Variants in CLASP2 observed in about 807,000 individuals in gnomAD.
The protein encoded by CLASP2 is CLIP-associating protein 2.
A neutral mutation model predicts 194.4 loss-of-function variants in CLASP2; 47 were observed. The observed-to-expected ratio is 0.24, with a 90% confidence interval of 0.19 to 0.31. The LOEUF (loss-of-function observed/expected upper bound fraction) is 0.31. Among genes scored for constraint, CLASP2 ranks in the 10% least tolerant of loss-of-function variants. The probability of loss-of-function intolerance (pLI) is 1.00; values close to 1 mark genes in which losing one functional copy is unlikely to be tolerated. For synonymous variants in CLASP2, 619 were observed against 633.5 expected, an observed-to-expected ratio of 0.98 and a Z score of 0.34; for missense variants, 1,445 against 1,823.6, an observed-to-expected ratio of 0.79 and a Z score of 3.78.
chr3:33,560,345 C>G (rs965762702), intron 28 of CLASP2, among the ~76,000 whole-genome samples: 5 of 151,728 alleles, frequency 3.3e-5, no homozygotes, highest in Non-Finnish European at 7.4e-5. Context: ...CAGGTTCAAG[C>G]GATTCTCCTT....
intron 33 of CLASP2, among the ~76,000 whole-genome samples, chr3:33,538,067 G>T (rs886518453): frequency 7.2e-5 from 11 of 151,774 alleles, no homozygotes; most frequent in East Asian, 1.9e-4. Flanking sequence ...CGTGAACCCG[G>T]AAGGCAGAGC....
chr3:33,596,716 A>G lies in CLASP2; in HGVS notation c.1943T>C (p.Leu648Pro). 6.4e-7 allele frequency: 1 copy of G among 1,568,402 alleles called. No homozygotes were observed. Among genetic ancestry groups the G allele is most frequent in the Non-Finnish European group, 8.7e-7 (1 of 1,154,678 alleles). Reference sequence around the variant, plus strand: ...TTAGGAAAGGAAGTTCTTACCATCCAGCTTGTCAGAAGTATCCTCTTTGAT... The same window carrying G: ...TTAGGAAAGGAAGTTCTTACCATCCGGCTTGTCAGAAGTATCCTCTTTGAT... ...YASLEDTSDK[L>P]DGTASEDGRV... Residue 648 changes from leucine (L) to proline (P), a missense_variant, in exon 19 of 39, where the codon CTG becomes CCG. Coordinates refer to ENST00000682230, the MANE Select transcript of CLASP2 (RefSeq NM_001365631.1).
intron 37 of CLASP2, chr3:33,504,288 C>T (rs1056069878): frequency 3.3e-5 from 5 of 152,126 alleles, no homozygotes; most frequent in South Asian, 2.1e-4. Flanking sequence ...AAAGATTTAT[C>T]GCTATGTTTT....
intron 6 of CLASP2, among the ~76,000 whole-genome samples, chr3:33,678,024 G>A (rs1256205173): frequency 6.7e-6 from 1 of 149,306 alleles, no homozygotes; most frequent in Non-Finnish European, 1.5e-5. Flanking sequence ...ATGTATCTCT[G>A]AGCTTGAGGA....
chr3:33,513,605 C>T (rs1421221158), intron 36 of CLASP2, among the ~76,000 whole-genome samples: 1 of 152,314 alleles, frequency 6.6e-6, no homozygotes, highest in South Asian at 2.1e-4. Flanking sequence ...CTAAAAGAGT[C>T]ACAGTGAAAT....
In CLASP2 at chr3:33,717,842, G is replaced by A; in HGVS notation, c.161C>T (p.Ala54Val). 1 of 1,564,524 alleles carries A rather than the reference G, an allele frequency of 6.4e-7. No homozygotes were observed. Residue 54 changes from alanine to valine, a missense_variant, in exon 1 of 39, where the codon GCG becomes GTG. Coordinates refer to ENST00000682230, the MANE Select transcript of CLASP2 (RefSeq NM_001365631.1). ...DLGRLGKTVD[A>V]LTGWVGSSNY... ...GCTCGAACCCACCCAGCCGGTGAGCGCGTCGACTGTCTTGCCTAGGCGGCC... is the reference window on the plus strand; with the variant it reads ...GCTCGAACCCACCCAGCCGGTGAGCACGTCGACTGTCTTGCCTAGGCGGCC...
rs1414968776 is a variant in CLASP2, at chr3:33,594,985, A to G, written c.1949-17T>C. 5 of 1,427,494 alleles carry G rather than the reference A, an allele frequency of 3.5e-6. No individual in the cohort carries two copies. The highest frequency in any genetic ancestry group is 3.7e-6 in the Non-Finnish European group (4 of 1,068,250). The allele number at this position is 1,427,494 out of a possible 1,614,324, so 88.4% of individuals were successfully genotyped here. ...ATGCTGTTCCTAAATAAGAAAAATA[A>G]AACAACATTTCAACAAATTCTGCCA... On this transcript the variant is annotated splice_polypyrimidine_tract_variant and intron_variant, in intron 19 of 38. Coordinates refer to ENST00000682230, the MANE Select transcript of CLASP2 (RefSeq NM_001365631.1).
Position 33,644,901 on chromosome 3 carries a change from T to C in CLASP2, c.718A>G (p.Lys240Glu). Residue 240 changes from lysine to glutamate, a missense_variant and splice_region_variant, in exon 8 of 39, where the codon AAA becomes GAA. Physicochemically the swap from Lys to Glu is moderately conservative, Grantham distance 56. This residue lies in a region of CLASP2 where 332 missense variants were observed against 325.3 expected (regional missense o/e 1.02). Coordinates refer to ENST00000682230, the MANE Select transcript of CLASP2 (RefSeq NM_001365631.1). The stretch of plus-strand genomic sequence containing the variant: ...ACTGATTCTTCATCATCGAAGCTTT[T>C]ATCTGCACAAAGCATCAGAAAAATG... ...GGMILSVCKD[K>E]SFDDEESVDG... The C allele has an allele frequency of 6.3e-7, 1 of 1,592,082 alleles. No individual in the cohort carries two copies. The highest frequency in any genetic ancestry group is 8.6e-7 in the Non-Finnish European group (1 of 1,167,792).
intron 27 of CLASP2, among the ~76,000 whole-genome samples, chr3:33,563,338 C>T (rs909568962): frequency 4.6e-5 from 7 of 152,158 alleles, no homozygotes; most frequent in African/African-American, 1.7e-4. Flanking sequence ...CATCCTGATT[C>T]TCTTTTCATC....
chr3:33,619,530 A>AG, intron 12 of CLASP2, 73 bp downstream of exon 12: 1 of 1,374,546 alleles, frequency 7.3e-7, no homozygotes, highest in Non-Finnish European at 9.6e-7. Flanking sequence ...GGGAAAGGAG[A>AG]GAAAAAGGGG....
intron 24 of CLASP2, among the ~76,000 whole-genome samples, chr3:33,574,058 A>C (rs1013072946): frequency 1.3e-5 from 2 of 152,162 alleles, no homozygotes; most frequent in African/African-American, 4.8e-5. Flanking sequence ...TCTAAATCTT[A>C]TTTGTTTAAT....
At chr3:33,592,962 CA>C (rs1305442845) in intron 20 of CLASP2, among the ~76,000 whole-genome samples, 1 of 152,116 alleles carries the variant, frequency 6.6e-6, no homozygotes, top group African/African-American at 2.4e-5. Context: ...TATAATTAGG[CA>C]AAAGATTTAA....
intron 1 of CLASP2, among the ~76,000 whole-genome samples, chr3:33,708,686 T>C (rs767269449): frequency 4.6e-5 from 7 of 151,936 alleles, no homozygotes; most frequent in Non-Finnish European, 1.0e-4. Flanking sequence ...CAAATATCTC[T>C]TTGAGATAGT....
intron 2 of CLASP2, among the ~76,000 whole-genome samples, chr3:33,693,023 T>C (rs1480431391): frequency 6.6e-6 from 1 of 152,152 alleles, no homozygotes; most frequent in Admixed American, 6.5e-5. Flanking sequence ...GTTTACAAAA[T>C]TTATAAGATA....
intron 20 of CLASP2, among the ~76,000 whole-genome samples, chr3:33,594,329 G>C (rs959911815): frequency 1.3e-5 from 2 of 151,992 alleles, no homozygotes; most frequent in Non-Finnish European, 2.9e-5. Flanking sequence ...GTTTTAAAAA[G>C]ACAGACTTCA....
At chr3:33,578,132 G>C (rs1271703024) in intron 23 of CLASP2, among the ~76,000 whole-genome samples, 1 of 152,064 alleles carries the variant, frequency 6.6e-6, no homozygotes, top group East Asian at 1.9e-4. Context: ...TTAAACAGTA[G>C]ATGTACCATC....
chr3:33,622,425 G>C, intron 10 of CLASP2, 145 bp from the exon 11 acceptor site: 3 of 508,658 alleles, frequency 5.9e-6, no homozygotes, highest in Non-Finnish European at 9.5e-6. Flanking sequence ...AGACATCTTA[G>C]TAGCATTAAA....
Position 33,684,329 on chromosome 3 carries a change from A to C in CLASP2, c.644+30T>G. ...ACTTTTAAAACTAGTGGTGAAAAAA[A>C]AAAAAAGAACCAAATTTAGCAAGAC... On this transcript the variant is annotated intron_variant, in intron 6 of 38. Coordinates refer to ENST00000682230, the MANE Select transcript of CLASP2 (RefSeq NM_001365631.1). The C allele has an allele frequency of 6.5e-6, 9 of 1,384,016 alleles. No individual in the cohort carries two copies. The South Asian group carries it at 9.3e-5, about 14-fold the overall frequency. The allele number at this position is 1,384,016 out of a possible 1,614,324, so 85.7% of individuals were successfully genotyped here.
intron 26 of CLASP2, among the ~76,000 whole-genome samples, chr3:33,568,317 A>G (rs1170320307): frequency 6.6e-6 from 1 of 151,852 alleles, no homozygotes; most frequent in Non-Finnish European, 1.5e-5. Flanking sequence ...CTTTGGGGGG[A>G]CACAATGGAC....
Sources: gnomAD v4.1 joint callset for allele counts (sites outside exome capture counted in the v4.1 genomes callset) on GRCh38, gnomAD v4.1.1 for gene constraint, gnomAD v4.1.1 regional missense constraint, MANE v1.5 for transcripts, NCBI Gene and HGNC (gene_info 2026-07-23, HGNC 2026-07-21) for gene names.